HEMK2: variants seen among roughly 807,000 people sequenced by gnomAD.
The protein encoded by HEMK2 is methyltransferase HEMK2.
At chr21:28,703,435 A>G in the HEMK2 span, among the ~76,000 whole-genome samples, 1 of 152,170 alleles carries the variant, frequency 6.6e-6, no homozygotes, top group African/African-American at 2.4e-5. Flanking sequence ...CCAGGGAGAG[A>G]ATAAAGCCAA....
the HEMK2 span, among the ~76,000 whole-genome samples, chr21:28,763,924 C>A: frequency 1.0e-5 from 1 of 99,164 alleles, no homozygotes; most frequent in East Asian, 5.1e-4. Context: ...TAGAAGCAGT[C>A]CTCAACCGTG....
the HEMK2 span, among the ~76,000 whole-genome samples, chr21:28,628,455 G>A: frequency 6.6e-6 from 1 of 152,010 alleles, no homozygotes; most frequent in Non-Finnish European, 1.5e-5. Flanking sequence ...TTCTGCAAAG[G>A]TTTTCTTTTT....
the HEMK2 span, among the ~76,000 whole-genome samples, chr21:28,726,847 G>A: frequency 1.8e-4 from 26 of 142,446 alleles, no homozygotes; most frequent in East Asian, 5.4e-3. Flanking sequence ...GTCCAGCCTG[G>A]GCAACAGAGT....
chr21:28,810,651 CG>C, the HEMK2 span, among the ~76,000 whole-genome samples: 2 of 152,150 alleles, frequency 1.3e-5, no homozygotes, highest in Admixed American at 1.3e-4. Context: ...GGGACTTAGA[CG>C]GGCAAGGATA....
the HEMK2 span, among the ~76,000 whole-genome samples, chr21:28,718,797 A>G: frequency 6.6e-6 from 1 of 152,198 alleles, no homozygotes; most frequent in Non-Finnish European, 1.5e-5. Flanking sequence ...TTGTTTAACA[A>G]AAGAGATAAA....
the HEMK2 span, among the ~76,000 whole-genome samples, chr21:28,584,079 A>G: frequency 8.5e-5 from 13 of 152,204 alleles, no homozygotes; most frequent in Non-Finnish European, 1.5e-4. Flanking sequence ...CCTAACCTGT[A>G]CTGAAAAACT....
the HEMK2 span, among the ~76,000 whole-genome samples, chr21:28,707,921 T>C: frequency 3.2e-3 from 482 of 152,284 alleles, 1 homozygote; most frequent in African/African-American, 0.011. Flanking sequence ...AGAAGCTGAA[T>C]ATAGTTATAG....
chr21:28,811,247 G>GA, the HEMK2 span, among the ~76,000 whole-genome samples: 1 of 122,178 alleles, frequency 8.2e-6, no homozygotes, highest in African/African-American at 3.7e-5. Context: ...AACAGAGAAA[G>GA]AGGAAAGAAA....
the HEMK2 span, among the ~76,000 whole-genome samples, chr21:28,788,927 GC>G: frequency 6.6e-6 from 1 of 152,060 alleles, no homozygotes; most frequent in Non-Finnish European, 1.5e-5. Flanking sequence ...GAAGACGCAG[GC>G]ATAGATTGGA....
At chr21:28,632,990 C>A in the HEMK2 span, among the ~76,000 whole-genome samples, 1 of 152,186 alleles carries the variant, frequency 6.6e-6, no homozygotes, top group Non-Finnish European at 1.5e-5. Flanking sequence ...CCTATTTCCT[C>A]CCATTCCTAT....
At chr21:28,777,467 T>C in the HEMK2 span, among the ~76,000 whole-genome samples, 1 of 152,150 alleles carries the variant, frequency 6.6e-6, no homozygotes, top group Non-Finnish European at 1.5e-5. Flanking sequence ...CCTAAATCAA[T>C]GTCTACAAAG....
At chr21:28,660,198 C>A in the HEMK2 span, among the ~76,000 whole-genome samples, 1 of 151,742 alleles carries the variant, frequency 6.6e-6, no homozygotes, top group Non-Finnish European at 1.5e-5. Context: ...TAATTTATCA[C>A]TTAATTTTTG....
chr21:28,850,665 G>C, the HEMK2 span, among the ~76,000 whole-genome samples: 1 of 152,150 alleles, frequency 6.6e-6, no homozygotes, highest in African/African-American at 2.4e-5. Context: ...TTAAGGGAGT[G>C]CTAAATATTG....
chr21:28,841,139 T>A, the HEMK2 span, among the ~76,000 whole-genome samples: 1 of 23,898 alleles, frequency 4.2e-5, no homozygotes, highest in Non-Finnish European at 6.4e-5. Flanking sequence ...TAATATATAA[T>A]TTATATAATT....
the HEMK2 span, among the ~76,000 whole-genome samples, chr21:28,750,497 G>A: frequency 3.3e-5 from 5 of 151,884 alleles, no homozygotes; most frequent in African/African-American, 4.8e-5. Context: ...CCAGGAGTTC[G>A]AGAACAGCCT....
chr21:28,678,726 TG>T, the HEMK2 span, among the ~76,000 whole-genome samples: 1 of 151,954 alleles, frequency 6.6e-6, no homozygotes, highest in Non-Finnish European at 1.5e-5. Flanking sequence ...CAGAAGAGAG[TG>T]GGGGCCAATG....
chr21:28,818,447 T>C, the HEMK2 span, among the ~76,000 whole-genome samples: 17 of 152,166 alleles, frequency 1.1e-4, 1 homozygote, highest in Non-Finnish European at 1.9e-4. Flanking sequence ...AACTCATATA[T>C]ATATGTATAT....
chr21:28,769,457 G>A, the HEMK2 span, among the ~76,000 whole-genome samples: 1 of 152,018 alleles, frequency 6.6e-6, no homozygotes, highest in Non-Finnish European at 1.5e-5. Context: ...GTTCCTAATA[G>A]CAGCAGATAT....
At chr21:28,714,274 T>C in the HEMK2 span, among the ~76,000 whole-genome samples, 1 of 152,248 alleles carries the variant, frequency 6.6e-6, no homozygotes, top group South Asian at 2.1e-4. Context: ...TCCCATTGTA[T>C]CATATTATGT....
Sources: allele counts gnomAD v4.1 joint callset (sites outside exome capture counted in the v4.1 genomes callset), GRCh38; gene constraint gnomAD v4.1.1; transcripts MANE v1.5; gene names NCBI Gene and HGNC (gene_info 2026-07-23, HGNC 2026-07-21).